The following MYOF variants were observed in gnomAD, a reference collection of about 807,000 sequenced individuals.
The protein encoded by MYOF is myoferlin, also known as fer-1-like 3, myoferlin.
MYOF carries 244 observed loss-of-function variants against 284.2 expected under a neutral mutation model. The observed-to-expected ratio is 0.86, with a 90% CI of 0.77 to 0.95. The LOEUF (loss-of-function observed/expected upper bound fraction) is 0.95, where lower values mean the gene tolerates loss of function less well. MYOF is among the 40% of genes least tolerant of loss of function. The pLI is 0.00. For synonymous variants in MYOF, 904 were observed against 919.7 expected (o/e 0.98, Z 0.31); for missense variants, 2,496 against 2,560.6 (o/e 0.97, Z 0.54).
At chr10:93,360,971 T>C (rs1028810025) in intron 28 of MYOF, among the ~76,000 whole-genome samples, 1 of 152,222 alleles carries the variant, frequency 6.6e-6, no homozygotes, top group Admixed American at 6.5e-5. Context: ...GTCCATACAC[T>C]TGCCTTTCCC....
chr10:93,434,736 GA>G (rs1363325002), intron 3 of MYOF, among the ~76,000 whole-genome samples: 1 of 152,116 alleles, frequency 6.6e-6, no homozygotes, highest in Non-Finnish European at 1.5e-5. Context: ...TACATTAACA[GA>G]AAAAAAGATT....
intron 43 of MYOF, among the ~76,000 whole-genome samples, chr10:93,332,368 A>G (rs1291534457): frequency 6.6e-6 from 1 of 151,836 alleles, no homozygotes; most frequent in Non-Finnish European, 1.5e-5. Flanking sequence ...GATTACAGGT[A>G]CACACCACCA....
chr10:93,406,044 G>A (rs542125694), intron 7 of MYOF, among the ~76,000 whole-genome samples: 15 of 151,122 alleles, frequency 9.9e-5, no homozygotes, highest in South Asian at 6.3e-4. Flanking sequence ...TGCAACCTCC[G>A]CCTCCCAGGT....
chr10:93,345,180 C>A (rs1466220038), intron 37 of MYOF, among the ~76,000 whole-genome samples: 1 of 152,162 alleles, frequency 6.6e-6, no homozygotes, highest in Non-Finnish European at 1.5e-5. Flanking sequence ...AAACAACAAA[C>A]CTTTTTCGGT....
rs902056445 is a variant in MYOF, at chr10:93,454,964, G to A, written c.144+1918C>T. 3.3e-4 allele frequency among the ~76,000 whole-genome samples: 44 copies of A among 134,128 alleles called. 1 individual carries two copies. Among genetic ancestry groups the A allele is most frequent in the African/African-American group, 1.2e-3 (42 of 35,164 alleles). 88.0% of individuals were successfully genotyped at this position (134,128 alleles called of 152,430 possible). ...ACTGCATTCCAGCCTGGGTGACAGA[G>A]CGAGACCCTGTCTTTTTTTAATTAA... On this transcript the variant is annotated intron_variant, in intron 2 of 53. Coordinates refer to ENST00000359263, the MANE Select transcript of MYOF (RefSeq NM_013451.4).
chr10:93,430,273 C>T (rs1848781883), intron 4 of MYOF, among the ~76,000 whole-genome samples: 3 of 151,724 alleles, frequency 2.0e-5, no homozygotes, highest in South Asian at 2.1e-4. Flanking sequence ...AGAAAACATC[C>T]AGCACCCAAT....
Position 93,409,720 on chromosome 10 carries a change from T to A in MYOF, c.453A>T (p.Glu151Asp), listed in dbSNP as rs774566772. 1 of 1,614,102 alleles carries A rather than the reference T, an allele frequency of 6.2e-7. No individual in the cohort carries two copies. Among genetic ancestry groups the A allele is most frequent in the South Asian group, 1.1e-5 (1 of 91,058 alleles). ...PGMGGDGEEDEGDEDRLDNAV... is the reference protein window; with the variant it reads ...PGMGGDGEEDDGDEDRLDNAV... ...CATTGTCCAACCTGTCTTCATCACCTTCATCTTCTTCCCCATCTCCTAAAA... is the reference window on the plus strand; with the variant it reads ...CATTGTCCAACCTGTCTTCATCACCATCATCTTCTTCCCCATCTCCTAAAA... The change falls in exon 6 of 54, where the codon GAA (glutamate) becomes GAT (aspartate). Residue 151 changes from glutamate to aspartate, a missense_variant. Transcript: ENST00000359263.
rs1843468516 is a variant in MYOF, at chr10:93,333,880, G to A, written c.4597C>T (p.Pro1533Ser). Residue 1533 changes from proline (P) to serine (S), a missense_variant, in exon 42 of 54, where the codon CCC (proline) becomes TCC (serine). This residue lies in a region of MYOF where 2,436 missense variants were observed against 2,480.7 expected (regional missense o/e 0.98). Transcript: ENST00000359263. ...TGTCTGGGAGGGGCTGGCACGCTGG[G>A]GTCATCCGGCAGAGGGTAGATCCGA... is the stretch of plus-strand genomic sequence containing the variant. ...SFRIYPLPDD[P>S]SVPAPPRQFR... 3 of 1,614,038 alleles carry A rather than the reference G, an allele frequency of 1.9e-6. No homozygotes were observed. Among genetic ancestry groups the A allele is most frequent in the East Asian group, 2.2e-5 (1 of 44,864 alleles).
chr10:93,312,853 G>A (rs1446779863), intron 51 of MYOF, among the ~76,000 whole-genome samples, 167 bp downstream of exon 51: 1 of 151,826 alleles, frequency 6.6e-6, no homozygotes. Context: ...ACCTTATATT[G>A]TAAGACAAAG....
chr10:93,372,598 C>T (rs1431334613), intron 24 of MYOF, among the ~76,000 whole-genome samples: 1 of 152,134 alleles, frequency 6.6e-6, no homozygotes, highest in African/African-American at 2.4e-5. Flanking sequence ...TCTTTCTTTC[C>T]CCAACATTCA....
intron 3 of MYOF, 72 bp from the exon 4 acceptor site, chr10:93,431,588 AC>A: frequency 9.3e-7 from 1 of 1,078,672 alleles, no homozygotes; most frequent in Non-Finnish European, 1.4e-6. Context: ...GGACCTCTCA[AC>A]CCCTACCTCT....
At chr10:93,431,024 C>CTTTTTT (rs113713765) in intron 4 of MYOF, among the ~76,000 whole-genome samples, 715 of 117,708 alleles carry the variant, frequency 6.1e-3, no homozygotes, top group East Asian at 0.02. Context: ...TTTTTCTTTT[C>CTTTTTT]TTTTTTTTTT....
chr10:93,331,110 G>T (rs573008034), intron 43 of MYOF, among the ~76,000 whole-genome samples: 1 of 151,546 alleles, frequency 6.6e-6, no homozygotes, highest in Non-Finnish European at 1.5e-5. Context: ...TTTTTTTCTT[G>T]GAACATCAAT....
intron 1 of MYOF, among the ~76,000 whole-genome samples, chr10:93,458,883 T>A (rs765568854): frequency 1.3e-5 from 2 of 152,220 alleles, no homozygotes; most frequent in Non-Finnish European, 2.9e-5. Context: ...GGGTTTTGTT[T>A]AGCTAATGTC....
intron 30 of MYOF, among the ~76,000 whole-genome samples, chr10:93,356,068 GAGC>G (rs1485984784): frequency 1.3e-5 from 2 of 152,128 alleles, no homozygotes; most frequent in South Asian, 4.1e-4. Context: ...GGAAGAGAAA[GAGC>G]AGCAGCAGCA....
At chr10:93,355,456 T>G (rs1323065498) in intron 31 of MYOF, among the ~76,000 whole-genome samples, 172 bp downstream of exon 31, 1 of 152,012 alleles carries the variant, frequency 6.6e-6, no homozygotes, top group Non-Finnish European at 1.5e-5. Context: ...CATGGTGACG[T>G]GCGCCTGTAG....
At chr10:93,463,485 C>T (rs10786098) in intron 1 of MYOF, among the ~76,000 whole-genome samples, 96,722 of 146,410 alleles carry the variant, frequency 0.66, 32,024 homozygotes, top group South Asian at 0.71. Flanking sequence ...TTGCAACATC[C>T]GCCTCCTGTG....
At chr10:93,407,416 T>A (rs1847649392) in intron 7 of MYOF, among the ~76,000 whole-genome samples, 1 of 74,434 alleles carries the variant, frequency 1.3e-5, no homozygotes, top group South Asian at 6.0e-4. Context: ...CAACAGAGAC[T>A]CTGTCTCAAA....
intron 32 of MYOF, among the ~76,000 whole-genome samples, chr10:93,352,836 TG>T (rs1441420824): frequency 6.6e-6 from 1 of 152,186 alleles, no homozygotes; most frequent in Middle Eastern, 3.2e-3. Flanking sequence ...TGCCCCCTGG[TG>T]GAAAATATTT....
Sources: allele counts gnomAD v4.1 joint callset (sites outside exome capture counted in the v4.1 genomes callset), GRCh38; gene constraint gnomAD v4.1.1; regional missense constraint gnomAD v4.1.1; transcripts MANE v1.5; gene names NCBI Gene and HGNC (gene_info 2026-07-23, HGNC 2026-07-21).